MGAT4C: variants seen among roughly 807,000 people sequenced by gnomAD.
MGAT4C encodes the protein alpha-1,3-mannosyl-glycoprotein 4-beta-N-acetylglucosaminyltransferase C.
Under a neutral mutation model 40.1 loss-of-function variants are expected in MGAT4C, and 19 were observed. That is an observed-to-expected ratio of 0.47 (90% confidence interval 0.33 to 0.70). The LOEUF (loss-of-function observed/expected upper bound fraction) is 0.70, where lower values mean the gene tolerates loss of function less well. MGAT4C is among the 30% of genes least tolerant of loss of function. MGAT4C has a pLI of 0.02. For missense variants in MGAT4C, 491 were observed against 563.2 expected, an observed-to-expected ratio of 0.87 and a Z score of 1.30; for synonymous variants, 181 against 187.1, an observed-to-expected ratio of 0.97 and a Z score of 0.27.
rs548821167 is a variant in MGAT4C at position 86,624,271 on chromosome 12, G to C, written c.-229+102938C>G. On this transcript the variant is annotated intron_variant, in intron 2 of 7. Transcript: ENST00000548651. ...CCCAACATATACAAGGGAATCTAAA[G>C]TTGACACATACAGGGAGCATTGTGT... Among the ~76,000 whole-genome samples, 459 of 152,250 alleles carry C rather than the reference G, an allele frequency of 3.0e-3. 2 individuals are homozygous for C. The highest frequency in any genetic ancestry group is 0.011 in the African/African-American group (438 of 41,560).
At chr12:86,524,841 T>A (rs1469596864) in intron 2 of MGAT4C, among the ~76,000 whole-genome samples, 1 of 152,208 alleles carries the variant, frequency 6.6e-6, no homozygotes, top group East Asian at 1.9e-4. Context: ...TTCTTTCCTT[T>A]GCTTCATCTA....
chr12:86,678,482 GGTTA>G (rs1415066697), intron 2 of MGAT4C, among the ~76,000 whole-genome samples: 1 of 151,424 alleles, frequency 6.6e-6, no homozygotes, highest in African/African-American at 2.4e-5. Flanking sequence ...ACAATGTGCA[GGTTA>G]GTTACATATG....
chr12:86,626,533 C>G (rs1051642451), intron 2 of MGAT4C, among the ~76,000 whole-genome samples: 4 of 152,040 alleles, frequency 2.6e-5, no homozygotes, highest in African/African-American at 9.7e-5. Context: ...TAAGGCAGTA[C>G]AGATTAAGAT....
At chr12:86,808,065 C>T (rs1410797558) in intron 1 of MGAT4C, among the ~76,000 whole-genome samples, 2 of 151,946 alleles carry the variant, frequency 1.3e-5, no homozygotes, top group African/African-American at 4.8e-5. Context: ...CATACACCCT[C>T]CCAAGGCTGA....
At chr12:86,832,007 C>T (rs1952938809) in intron 1 of MGAT4C, among the ~76,000 whole-genome samples, 1 of 151,772 alleles carries the variant, frequency 6.6e-6, no homozygotes, top group Non-Finnish European at 1.5e-5. Flanking sequence ...CTTAACATTG[C>T]ATGGGGGTGC....
At chr12:86,343,567 A>G (rs1220693659) in intron 3 of MGAT4C, among the ~76,000 whole-genome samples, 1 of 152,244 alleles carries the variant, frequency 6.6e-6, no homozygotes, top group Non-Finnish European at 1.5e-5. Flanking sequence ...GCTCAGTATT[A>G]GAAATGGATT....
chr12:85,974,626 A>C lies in MGAT4C; in HGVS notation c.*4663T>G, dbSNP rs988531512. On this transcript the variant is annotated 3_prime_UTR_variant, in exon 5 of 5. Transcript: ENST00000611864. Reference sequence around the variant, plus strand: ...TGCAATAATGAAATCATTTCAAAGCATGCCAAAAAGTAATAAAAGATATAT... The same window carrying C: ...TGCAATAATGAAATCATTTCAAAGCCTGCCAAAAAGTAATAAAAGATATAT... 1 of 150,708 alleles carries C rather than the reference A, an allele frequency of 6.6e-6. No individual in the cohort carries two copies. Among genetic ancestry groups the C allele is most frequent in the African/African-American group, 2.4e-5 (1 of 41,302 alleles). 9.3% of individuals were successfully genotyped at this position (150,708 alleles called of 1,614,324 possible).
intron 4 of MGAT4C, among the ~76,000 whole-genome samples, chr12:86,262,470 C>T (rs1313569414): frequency 6.6e-6 from 1 of 152,000 alleles, no homozygotes; most frequent in East Asian, 1.9e-4. Context: ...TCTTGCCTAG[C>T]TTATTAAATC....
rs753480160 is a variant in MGAT4C, at chr12:86,804,894, C to T, written c.-262+33772G>A. Among the ~76,000 whole-genome samples, 6 of 152,056 alleles carry T rather than the reference C, an allele frequency of 3.9e-5. 1 individual carries two copies. Among genetic ancestry groups the T allele is most frequent in the Admixed American group, 1.3e-4 (2 of 15,246 alleles). On this transcript the variant is annotated intron_variant, in intron 1 of 7. Coordinates refer to the MGAT4C transcript ENST00000548651. ...CTTTGGTAAGTAATGCAGGAGGTGG[C>T]GTCCTAAGTTTTGGATGTGATTAAA... is the stretch of plus-strand genomic sequence containing the variant.
At chr12:86,428,030 G>GCAA (rs202133402) in intron 3 of MGAT4C, among the ~76,000 whole-genome samples, 20 of 150,698 alleles carry the variant, frequency 1.3e-4, no homozygotes, top group South Asian at 4.2e-4. Context: ...AAAAACAACA[G>GCAA]CAACAACAAC....
At chr12:86,568,821 T>C (rs1960240708) in intron 2 of MGAT4C, among the ~76,000 whole-genome samples, 2 of 151,946 alleles carry the variant, frequency 1.3e-5, no homozygotes, top group Non-Finnish European at 2.9e-5. Context: ...AGAACATTCA[T>C]TGGGAGAAAG....
chr12:86,223,078 G>T (rs2135992043), intron 1 of MGAT4C, among the ~76,000 whole-genome samples: 1 of 152,302 alleles, frequency 6.6e-6, no homozygotes, highest in East Asian at 1.9e-4. Context: ...CGAACCCTGA[G>T]CAGGTGCACC....
intron 2 of MGAT4C, among the ~76,000 whole-genome samples, chr12:86,553,002 T>A (rs1257314485): frequency 6.6e-6 from 1 of 151,152 alleles, no homozygotes; most frequent in Admixed American, 6.6e-5. Context: ...AGCCATAATA[T>A]TTTTTCTTAG....
chr12:86,555,476 G>A (rs1434244060), intron 2 of MGAT4C, among the ~76,000 whole-genome samples: 1 of 152,116 alleles, frequency 6.6e-6, no homozygotes, highest in Non-Finnish European at 1.5e-5. Context: ...AAAACCCTTT[G>A]TGGACTTTGG....
intron 1 of MGAT4C, among the ~76,000 whole-genome samples, chr12:86,058,707 T>C (rs1228034404): frequency 6.6e-6 from 1 of 152,158 alleles, no homozygotes; most frequent in Non-Finnish European, 1.5e-5. Flanking sequence ...AAAATGTCTT[T>C]CTCTCTTTTG....
chr12:86,386,911 A>G (rs949557352), intron 3 of MGAT4C, among the ~76,000 whole-genome samples: 1 of 152,212 alleles, frequency 6.6e-6, no homozygotes, highest in Non-Finnish European at 1.5e-5. Context: ...GTGTTTGCAT[A>G]GCTGACTAAT....
In MGAT4C at chr12:85,956,338, A is replaced by G. The variant is rs1324109189; in HGVS notation, c.*22951T>C. The G allele has an allele frequency of 6.6e-6, 1 of 152,186 alleles. No individual in the cohort carries two copies. Among genetic ancestry groups the G allele is most frequent in the Non-Finnish European group, 1.5e-5 (1 of 68,002 alleles). The allele number at this position is 152,186 out of a possible 1,614,324, so 9.4% of individuals were successfully genotyped here. On this transcript the variant is annotated 3_prime_UTR_variant, in exon 5 of 5. Transcript: ENST00000611864. The stretch of plus-strand genomic sequence containing the variant: ...ATTTATTTATTACTTGGTTTTGTTG[A>G]AAAAACTAGGTGACTCATTTATGCT...
At chr12:86,289,583 A>G (rs1953450161) in intron 4 of MGAT4C, among the ~76,000 whole-genome samples, 1 of 152,164 alleles carries the variant, frequency 6.6e-6, no homozygotes, top group Non-Finnish European at 1.5e-5. Context: ...GATGTCTTTC[A>G]GCAGTGTTTG....
chr12:86,603,447 CTA>C (rs1297797824), intron 2 of MGAT4C, among the ~76,000 whole-genome samples: 4 of 113,516 alleles, frequency 3.5e-5, no homozygotes, highest in African/African-American at 1.6e-4. Flanking sequence ...TATATATAGT[CTA>C]TAGACTATAT....
Sources: gnomAD v4.1 joint callset for allele counts (sites outside exome capture counted in the v4.1 genomes callset) on GRCh38, gnomAD v4.1.1 for gene constraint, MANE v1.5 for transcripts, NCBI Gene and HGNC (gene_info 2026-07-23, HGNC 2026-07-21) for gene names.